Variants in RNLS observed in about 807,000 individuals in gnomAD.
RNLS encodes renalase, FAD dependent amine oxidase.
A neutral mutation model predicts 39.8 loss-of-function variants in RNLS; 39 were observed. The ratio of observed to expected loss-of-function variants is 0.98; its 90% CI spans 0.76 to 1.28. The LOEUF (loss-of-function observed/expected upper bound fraction) is 1.28, where lower values mean the gene tolerates loss of function less well. Ranked by LOEUF, RNLS falls within the 50% of genes most tolerant of loss-of-function variation. RNLS has a pLI of 0.00. For synonymous variants in RNLS, 147 were observed against 150.7 expected (o/e 0.98, Z 0.18); for missense variants, 410 against 413.3 (o/e 0.99, Z 0.07).
chr10:88,302,185 A>G (rs1003044309), intron 6 of RNLS, among the ~76,000 whole-genome samples: 1 of 152,248 alleles, frequency 6.6e-6, no homozygotes, highest in Non-Finnish European at 1.5e-5. Flanking sequence ...ATGACTCTGC[A>G]TTATGCCAAA....
intron 4 of RNLS, among the ~76,000 whole-genome samples, chr10:88,464,249 T>G (rs990168475): frequency 6.6e-6 from 1 of 152,116 alleles, no homozygotes; most frequent in African/African-American, 2.4e-5. Context: ...ATCGATATCA[T>G]CAGCAAGGGA....
intron 4 of RNLS, among the ~76,000 whole-genome samples, chr10:88,515,787 G>A (rs180717866): frequency 2.2e-4 from 34 of 152,138 alleles, no homozygotes; most frequent in African/African-American, 4.8e-4. Context: ...GAGAGAGAGT[G>A]GGAGTGAAAC....
chr10:88,509,386 T>C lies in RNLS; in HGVS notation c.526+63517A>G, dbSNP rs565429513. Among the ~76,000 whole-genome samples the C allele has an allele frequency of 5.3e-4, 80 of 150,134 alleles. 3 individuals are homozygous for C. In the South Asian group the frequency reaches 0.016, roughly 31 times the overall value. The stretch of plus-strand genomic sequence containing the variant: ...TACGTAGCATAGTGGCAGATCTGGG[T>C]AGGTTTAGAAAAAGTATTGATGAAT... On this transcript the variant is annotated intron_variant, in intron 4 of 6. Transcript: ENST00000331772.
At chr10:88,516,488 C>T (rs751277453) in intron 4 of RNLS, among the ~76,000 whole-genome samples, 3 of 151,918 alleles carry the variant, frequency 2.0e-5, no homozygotes, top group Non-Finnish European at 2.9e-5. Context: ...TCATAAACTA[C>T]AATGGAATTA....
At chr10:88,533,908 A>G (rs1027341506) in intron 4 of RNLS, among the ~76,000 whole-genome samples, 2 of 152,172 alleles carry the variant, frequency 1.3e-5, no homozygotes, top group Admixed American at 6.6e-5. Flanking sequence ...GCCTTGGGGT[A>G]GATGAAATTG....
chr10:88,520,976 G>C (rs1440715880), intron 4 of RNLS, among the ~76,000 whole-genome samples: 1 of 151,880 alleles, frequency 6.6e-6, no homozygotes, highest in Non-Finnish European at 1.5e-5. Flanking sequence ...CTGTTCACGG[G>C]TGTTGCTGCT....
chr10:88,293,978 A>C (rs1198974719), intron 6 of RNLS, among the ~76,000 whole-genome samples: 1 of 152,206 alleles, frequency 6.6e-6, no homozygotes, highest in Admixed American at 6.5e-5. Context: ...ATTACTCTAG[A>C]TAAAACTAGA....
At chr10:88,369,472 T>TG (rs888131206) in intron 4 of RNLS, among the ~76,000 whole-genome samples, 3 of 152,174 alleles carry the variant, frequency 2.0e-5, no homozygotes, top group Admixed American at 6.5e-5. Context: ...GTGTTGGCAA[T>TG]GGTGAGCTCC....
intron 6 of RNLS, among the ~76,000 whole-genome samples, chr10:88,307,391 T>G: frequency 6.6e-6 from 1 of 152,216 alleles, no homozygotes; most frequent in East Asian, 1.9e-4. Flanking sequence ...CTACCCTGTT[T>G]GTAGATGGCA....
At chr10:88,399,453 A>C (rs527729431) in intron 4 of RNLS, among the ~76,000 whole-genome samples, 1 of 152,222 alleles carries the variant, frequency 6.6e-6, no homozygotes, top group South Asian at 2.1e-4. Context: ...TTATGCAGTC[A>C]GAAGAAGCAA....
At chr10:88,203,298 A>G in the RNLS span, among the ~76,000 whole-genome samples, 153 of 7,116 alleles carry the variant, frequency 0.022, 4 homozygotes, top group African/African-American at 0.032. Flanking sequence ...ATACGTATGT[A>G]TATATATATA....
At chr10:88,187,313 G>A in the RNLS span, among the ~76,000 whole-genome samples, 21 of 150,798 alleles carry the variant, frequency 1.4e-4, no homozygotes, top group East Asian at 2.9e-3. Context: ...GGCATTGATC[G>A]GAGTGTGACA....
chr10:88,269,276 C>T (rs905634778), downstream of RNLS, among the ~76,000 whole-genome samples: 4 of 152,128 alleles, frequency 2.6e-5, no homozygotes, highest in Admixed American at 6.5e-5. Context: ...TGGATATGAA[C>T]TGATACTTCT....
At chr10:88,331,578 G>A (rs555513010) in intron 5 of RNLS, among the ~76,000 whole-genome samples, 6 of 152,300 alleles carry the variant, frequency 3.9e-5, no homozygotes, top group Non-Finnish European at 7.3e-5. Context: ...CTATTGATGT[G>A]TGTGCAAATG....
intron 4 of RNLS, among the ~76,000 whole-genome samples, chr10:88,501,596 C>T (rs77303392): frequency 2.6e-5 from 4 of 152,216 alleles, no homozygotes; most frequent in East Asian, 1.9e-4. Context: ...CTAAGGTCTA[C>T]GGATACATTT....
At chr10:88,390,625 AG>A (rs1852140240) in intron 4 of RNLS, among the ~76,000 whole-genome samples, 1 of 152,156 alleles carries the variant, frequency 6.6e-6, no homozygotes, top group East Asian at 1.9e-4. Context: ...AAAAACCCAA[AG>A]CCAAAAAACA....
chr10:88,433,588 G>T (rs575225787), intron 4 of RNLS, among the ~76,000 whole-genome samples: 11 of 152,192 alleles, frequency 7.2e-5, no homozygotes, highest in African/African-American at 2.6e-4. Flanking sequence ...AAATGTAAAT[G>T]ATTGTTCCTA....
At chr10:88,379,740 C>T (rs191132202) in intron 4 of RNLS, among the ~76,000 whole-genome samples, 49 of 152,286 alleles carry the variant, frequency 3.2e-4, no homozygotes, top group African/African-American at 1.0e-3. Context: ...GACTTTTGAG[C>T]TAAGTCATAA....
At chr10:88,577,088 T>G (rs972705757) in intron 3 of RNLS, among the ~76,000 whole-genome samples, 9 of 152,118 alleles carry the variant, frequency 5.9e-5, no homozygotes, top group African/African-American at 2.2e-4. Context: ...GCAGGAACCA[T>G]CAGGTGACCA....
Sources: allele counts gnomAD v4.1 joint callset (sites outside exome capture counted in the v4.1 genomes callset), GRCh38; gene constraint gnomAD v4.1.1; transcripts MANE v1.5; gene names NCBI Gene and HGNC (gene_info 2026-07-23, HGNC 2026-07-21).